Variants in FLRT1 observed in about 807,000 individuals in gnomAD.
FLRT1 encodes the protein leucine-rich repeat transmembrane protein FLRT1.
Under a neutral mutation model 30.9 loss-of-function variants are expected in FLRT1, and 14 were observed. The ratio of observed to expected loss-of-function variants is 0.45; its 90% CI spans 0.30 to 0.71. The LOEUF (loss-of-function observed/expected upper bound fraction) is 0.71, where lower values mean the gene tolerates loss of function less well. FLRT1 is among the 30% of genes least tolerant of loss of function. The pLI, the probability that FLRT1 is intolerant of heterozygous loss-of-function variation, is 0.08. For missense variants in FLRT1, 737 were observed against 949.2 expected (o/e 0.78, Z 2.94); for synonymous variants, 368 against 430.4 (o/e 0.85, Z 1.80).
rs1269720297 is a variant in FLRT1, at chr11:64,063,879, G to C, written c.-1038+27720G>C. Among the ~76,000 whole-genome samples, 6 of 152,240 alleles carry C rather than the reference G, an allele frequency of 3.9e-5. No individual in the cohort carries two copies. In the East Asian group the frequency reaches 1.2e-3, roughly 29 times the overall value. ...CTCCCGCTTTCTCCCCAGCCCCAGA[G>C]AGGGTGGTGGAGGGGGACCAGCCGG... On this transcript the variant is annotated intron_variant, in intron 1 of 2. Transcript: ENST00000682287.
intron 1 of FLRT1, among the ~76,000 whole-genome samples, chr11:64,077,124 G>A (rs1335123238): frequency 6.6e-6 from 1 of 152,136 alleles, no homozygotes; most frequent in Non-Finnish European, 1.5e-5. Context: ...TCCAGCCTCG[G>A]GTAGGCCTGA....
At position 64,118,345 on chromosome 11, in the gene FLRT1, A is replaced by G. The variant is rs1945035848; in HGVS notation, c.*53A>G. The G allele has an allele frequency of 6.7e-7, 1 of 1,497,670 alleles. No homozygotes were observed. The highest frequency in any genetic ancestry group is 8.9e-7 in the Non-Finnish European group (1 of 1,120,926). The allele number at this position is 1,497,670 out of a possible 1,614,324, so 92.8% of individuals were successfully genotyped here. A position where few individuals can be genotyped will look rare whatever the true frequency, so the allele number is the denominator to read the frequency against. ...CAGCCCCAGCTGCCCTGGCGTGGCCATGTGGCTTTGCCCAGCCTGCTGCAA... is the reference window on the plus strand; with the variant it reads ...CAGCCCCAGCTGCCCTGGCGTGGCCGTGTGGCTTTGCCCAGCCTGCTGCAA... On this transcript the variant is annotated 3_prime_UTR_variant, in exon 3 of 3. Coordinates refer to ENST00000682287, the MANE Select transcript of FLRT1 (RefSeq NM_013280.5).
chr11:64,100,867 G>A (rs912691167), intron 1 of FLRT1, among the ~76,000 whole-genome samples: 2 of 152,120 alleles, frequency 1.3e-5, no homozygotes, highest in Non-Finnish European at 2.9e-5. Context: ...GTGGGGGTGG[G>A]GGCTGCAGCA....
At chr11:64,109,168 T>G (rs1275098638) in intron 2 of FLRT1, among the ~76,000 whole-genome samples, 1 of 152,102 alleles carries the variant, frequency 6.6e-6, no homozygotes, top group African/African-American at 2.4e-5. Flanking sequence ...ATTTCCTTGC[T>G]GGCTTCCAGA....
rs1186488020 is a variant in FLRT1, at chr11:64,090,812, TGCAGAAGCAGAGCCC to T, written c.-1037-12380_-1037-12366del. Among the ~76,000 whole-genome samples, 4 of 151,870 alleles carry T rather than the reference TGCAGAAGCAGAGCCC, an allele frequency of 2.6e-5. No homozygotes were observed. The East Asian group carries it at 7.8e-4, about 30-fold the overall frequency. On this transcript the variant is annotated intron_variant, in intron 1 of 2. Transcript: ENST00000682287. The surrounding 1 kb of genome is among the most constrained non-coding windows in gnomAD (Gnocchi z 4.7). ...CACTTGGGGTTTGTCTCTGGGGCTC[TGCAGAAGCAGAGCCC>T]GAGTCGGGTCCAGCCCTGCACTCCC... is the stretch of plus-strand genomic sequence containing the variant.
In FLRT1 at chr11:64,116,336, G is replaced by C. The variant is rs1210649154; in HGVS notation, c.69G>C (p.Val23=). The C allele has an allele frequency of 1.2e-6, 2 of 1,611,520 alleles. No homozygotes were observed. Residue 23 remains valine (V), a synonymous_variant, in exon 3 of 3, where the codon GTG becomes GTC. Transcript: ENST00000682287. ...CTGCCACTGTCACGGCCACCGTTGTGATGACCACGGCCACCATGGACCTGC... is the reference window on the plus strand; with the variant it reads ...CTGCCACTGTCACGGCCACCGTTGTCATGACCACGGCCACCATGGACCTGC... ...TPTATVTATV[V]MTTATMDLRD... is the part of the protein sequence containing the mutation.
intron 1 of FLRT1, among the ~76,000 whole-genome samples, chr11:64,081,277 C>CTCCCAAAGTGCTGG (rs1214549662): frequency 6.6e-6 from 1 of 152,236 alleles, no homozygotes; most frequent in African/African-American, 2.4e-5. Flanking sequence ...CCACCTCGGC[C>CTCCCAAAGTGCTGG]TCCCAAAGTG....
At chr11:64,083,886 G>T (rs1944346076) in intron 1 of FLRT1, among the ~76,000 whole-genome samples, 1 of 152,222 alleles carries the variant, frequency 6.6e-6, no homozygotes. Context: ...GCGAGTGTGA[G>T]CAGCGTGCAG....
rs1176211056 is a variant in FLRT1, at chr11:64,103,844, C to A, written c.-387C>A. On this transcript the variant is annotated 5_prime_UTR_variant, in exon 2 of 3. Coordinates refer to ENST00000682287, the MANE Select transcript of FLRT1 (RefSeq NM_013280.5). ...TCCCTGTACCCCTTGCACACAGGAC[C>A]CTCACTCTGCAGGGATAAGCCAGCT... 9.9e-5 allele frequency: 15 copies of A among 152,228 alleles called. No individual in the cohort carries two copies. The allele number at this position is 152,228 out of a possible 1,614,324, so 9.4% of individuals were successfully genotyped here. A position where few individuals can be genotyped will look rare whatever the true frequency, so the allele number is the denominator to read the frequency against.
At chr11:64,060,949 G>T (rs979060886) in intron 1 of FLRT1, among the ~76,000 whole-genome samples, 18 of 151,826 alleles carry the variant, frequency 1.2e-4, no homozygotes, top group Admixed American at 1.0e-3. Context: ...CGGCGGCGGC[G>T]GCGGCGGGGC....
In FLRT1 at chr11:64,053,928, C is replaced by T. The variant is rs375928675; in HGVS notation, c.-1038+17769C>T. On this transcript the variant is annotated intron_variant, in intron 1 of 2. Coordinates refer to ENST00000682287, the MANE Select transcript of FLRT1 (RefSeq NM_013280.5). ...ATCCCCCCCACCACCTCTGCTGGCCCGGAGTCATCCTTGCATGGCACGGAG... is the reference window on the plus strand; with the variant it reads ...ATCCCCCCCACCACCTCTGCTGGCCTGGAGTCATCCTTGCATGGCACGGAG... Among the ~76,000 whole-genome samples the T allele has an allele frequency of 5.3e-5, 8 of 152,232 alleles. No homozygotes were observed. In the South Asian group the frequency reaches 6.2e-4, roughly 12 times the overall value.
chr11:64,046,688 A>G (rs1943590095), intron 1 of FLRT1, among the ~76,000 whole-genome samples: 1 of 152,120 alleles, frequency 6.6e-6, no homozygotes. Flanking sequence ...TAATAGAAGC[A>G]GGGTTTCACC....
intron 1 of FLRT1, among the ~76,000 whole-genome samples, chr11:64,101,834 G>C (rs965685293): frequency 6.6e-6 from 1 of 152,086 alleles, no homozygotes; most frequent in African/African-American, 2.4e-5. Flanking sequence ...GGGCTTGCTG[G>C]CTCTGAAACC....
rs372580345 is a variant in FLRT1 at position 64,118,111 on chromosome 11, G to A, written c.1844G>A (p.Arg615His). The A allele has an allele frequency of 6.9e-5, 112 of 1,611,626 alleles. No homozygotes were observed. In the Admixed American group the frequency reaches 1.5e-3, roughly 21 times the overall value. The change falls in exon 3 of 3, where the codon CGC becomes CAC. Residue 615 changes from arginine to histidine, a missense_variant. Arg to His is a conservative substitution (Grantham distance 29). Transcript: ENST00000682287. ...TKKDNSILEIRGPGLQMLPIN... is the reference protein window; with the variant it reads ...TKKDNSILEIHGPGLQMLPIN... ...AAGGATAACTCCATCCTGGAAATCC[G>A]CGGCCCTGGGCTGCAGATGCTGCCC...
intron 1 of FLRT1, among the ~76,000 whole-genome samples, chr11:64,044,820 T>C (rs1277069693): frequency 6.6e-6 from 1 of 152,182 alleles, no homozygotes; most frequent in Non-Finnish European, 1.5e-5. Context: ...ACCTCTGAGC[T>C]GTCTCCTGTG....
intron 1 of FLRT1, among the ~76,000 whole-genome samples, chr11:64,055,230 G>A (rs1381473281): frequency 6.6e-6 from 1 of 152,224 alleles, no homozygotes; most frequent in Non-Finnish European, 1.5e-5. Flanking sequence ...AGCAGGGTGA[G>A]GGGCAGCCAG....
intron 1 of FLRT1, among the ~76,000 whole-genome samples, chr11:64,065,532 G>A (rs901424678): frequency 6.6e-6 from 1 of 152,186 alleles, no homozygotes; most frequent in Non-Finnish European, 1.5e-5. Flanking sequence ...GCTCATGCCT[G>A]TAATCCCAGC....
At chr11:64,068,151 C>T (rs1379286524) in intron 1 of FLRT1, among the ~76,000 whole-genome samples, 3 of 152,216 alleles carry the variant, frequency 2.0e-5, no homozygotes, top group Admixed American at 1.3e-4. Context: ...TAAGATATGG[C>T]GTTCAAATTG....
At chr11:64,109,545 T>G (rs1054697051) in intron 2 of FLRT1, among the ~76,000 whole-genome samples, 3 of 151,630 alleles carry the variant, frequency 2.0e-5, no homozygotes, top group African/African-American at 7.3e-5. Context: ...TTCTCAGGGG[T>G]GGGAGTGAGT....
Sources: gnomAD v4.1 joint callset for allele counts (sites outside exome capture counted in the v4.1 genomes callset) on GRCh38, gnomAD v4.1.1 for gene constraint, Gnocchi (gnomAD v3.1) non-coding constraint, MANE v1.5 for transcripts, NCBI Gene and HGNC (gene_info 2026-07-23, HGNC 2026-07-21) for gene names.